Variants in GAB2 observed in about 807,000 individuals in gnomAD.
GAB2 encodes the protein GRB2 associated binding protein 2.
A neutral mutation model predicts 65.5 loss-of-function variants in GAB2; 26 were observed. The ratio of observed to expected loss-of-function variants is 0.40; its 90% CI spans 0.29 to 0.55. The LOEUF (loss-of-function observed/expected upper bound fraction) is 0.55, where lower values mean the gene tolerates loss of function less well. GAB2 is among the 20% of genes least tolerant of loss of function. The pLI is 0.53. For missense variants in GAB2, 884 were observed against 875.8 expected, an observed-to-expected ratio of 1.01 and a Z score of -0.12; for synonymous variants, 321 against 329.6, an observed-to-expected ratio of 0.97 and a Z score of 0.28.
At chr11:78,229,057 A>G (rs145673611) in intron 3 of GAB2, among the ~76,000 whole-genome samples, 2 of 152,324 alleles carry the variant, frequency 1.3e-5, no homozygotes, top group African/African-American at 4.8e-5. Context: ...ATGTCACAGT[A>G]GGGCAGGAGA....
At chr11:78,364,919 A>G (rs1279136524) in intron 1 of GAB2, among the ~76,000 whole-genome samples, 1 of 152,174 alleles carries the variant, frequency 6.6e-6, no homozygotes. Context: ...ATATACGTCT[A>G]TATAGTATTT....
intron 3 of GAB2, among the ~76,000 whole-genome samples, chr11:78,241,493 A>G (rs1228355073): frequency 6.6e-6 from 1 of 152,216 alleles, no homozygotes. Context: ...AATTACAGAA[A>G]GGGAATTCAA....
In GAB2 at chr11:78,222,154, C is replaced by T. The variant is rs780638233; in HGVS notation, c.1609G>A (p.Asp537Asn). The T allele has an allele frequency of 3.1e-6, 5 of 1,613,936 alleles. No individual in the cohort carries two copies. The highest frequency in any genetic ancestry group is 2.7e-5 in the African/African-American group (2 of 74,916). ...ATAGGTGACTTGAAGGGGAGTTCATCGATGACGGTGTTGTTCCTCAGGTCA... is the reference window on the plus strand; with the variant it reads ...ATAGGTGACTTGAAGGGGAGTTCATTGATGACGGTGTTGTTCCTCAGGTCA... ...PLDLRNNTVI[D>N]ELPFKSPITK... Residue 537 changes from aspartate (D) to asparagine (N), a missense_variant, in exon 7 of 10, where the codon GAT becomes AAT. By Grantham distance (23) the Asp-to-Asn change is conservative. Transcript: ENST00000361507.
At chr11:78,232,282 A>C (rs1463890328) in intron 3 of GAB2, among the ~76,000 whole-genome samples, 1 of 152,188 alleles carries the variant, frequency 6.6e-6, no homozygotes, top group African/African-American at 2.4e-5. Context: ...AATCTCACCA[A>C]TGAAATTTCA....
At chr11:78,391,253 C>T (rs916573846) in intron 1 of GAB2, among the ~76,000 whole-genome samples, 6 of 152,030 alleles carry the variant, frequency 3.9e-5, no homozygotes, top group Non-Finnish European at 7.4e-5. Context: ...CGAGATCATA[C>T]CACTGCACAA....
chr11:78,346,722 AT>A (rs1377368541), intron 1 of GAB2, among the ~76,000 whole-genome samples: 22 of 30,784 alleles, frequency 7.1e-4, no homozygotes, highest in East Asian at 6.6e-3. Flanking sequence ...TATATATATA[AT>A]TTTTTTTTTT....
intron 1 of GAB2, among the ~76,000 whole-genome samples, chr11:78,289,724 A>C (rs1866598539): frequency 6.6e-6 from 1 of 151,848 alleles, no homozygotes; most frequent in Non-Finnish European, 1.5e-5. Flanking sequence ...CATGAGAGAA[A>C]GCAAACATGC....
chr11:78,309,971 T>TGTGTGTGTGTGTGCACGC (rs1421836447), intron 1 of GAB2, among the ~76,000 whole-genome samples: 233 of 120,140 alleles, frequency 1.9e-3, no homozygotes, highest in African/African-American at 7.9e-3. Context: ...TGTGTGTGTG[T>TGTGTGTGTGTGTGCACGC]GCGCGCGCGC....
At chr11:78,397,726 T>C (rs1179109820) in intron 1 of GAB2, among the ~76,000 whole-genome samples, 1 of 152,184 alleles carries the variant, frequency 6.6e-6, no homozygotes, top group East Asian at 1.9e-4. Context: ...TGGCAGTACA[T>C]TCTACATTCA....
intron 1 of GAB2, among the ~76,000 whole-genome samples, chr11:78,301,822 T>A (rs1253433148): frequency 6.6e-6 from 1 of 152,190 alleles, no homozygotes; most frequent in Non-Finnish European, 1.5e-5. Context: ...TTAAACAGCA[T>A]GGTACTGGTA....
intron 2 of GAB2, among the ~76,000 whole-genome samples, chr11:78,270,827 T>C (rs1263358714): frequency 6.6e-6 from 1 of 152,252 alleles, no homozygotes; most frequent in Non-Finnish European, 1.5e-5. Flanking sequence ...CTCCAAGCTT[T>C]ACCTGTGCAA....
At chr11:78,381,011 C>T (rs951643656) in intron 1 of GAB2, among the ~76,000 whole-genome samples, 1 of 152,206 alleles carries the variant, frequency 6.6e-6, no homozygotes, top group South Asian at 2.1e-4. Flanking sequence ...ACTCTGACCC[C>T]ATTCATTTGG....
chr11:78,397,805 C>T (rs538841982), intron 1 of GAB2, among the ~76,000 whole-genome samples: 1 of 152,104 alleles, frequency 6.6e-6, no homozygotes, highest in African/African-American at 2.4e-5. Context: ...CTTATGTACA[C>T]TGTAGATACT....
intron 1 of GAB2, among the ~76,000 whole-genome samples, chr11:78,285,800 C>T (rs114766839): frequency 0.013 from 1,958 of 152,276 alleles, 47 homozygotes; most frequent in African/African-American, 0.045. Flanking sequence ...CAATTCAGAA[C>T]CAAGTACAAA....
At chr11:78,336,404 T>C (rs568148462) in intron 1 of GAB2, among the ~76,000 whole-genome samples, 9 of 131,702 alleles carry the variant, frequency 6.8e-5, no homozygotes, top group African/African-American at 2.0e-4. Context: ...TGTTGACATA[T>C]AGAAATGCTA....
intron 3 of GAB2, among the ~76,000 whole-genome samples, chr11:78,235,493 C>T (rs552858906): frequency 2.0e-5 from 3 of 152,216 alleles, no homozygotes; most frequent in Admixed American, 1.3e-4. Context: ...GCAAATTTTC[C>T]GAACATTTAT....
intron 1 of GAB2, among the ~76,000 whole-genome samples, chr11:78,307,639 T>TGAGAGAGAGAGAGAGAGAGAGA (rs1215194255): frequency 9.4e-6 from 1 of 106,512 alleles, no homozygotes; most frequent in African/African-American, 4.6e-5. Flanking sequence ...AGAGAGATGT[T>TGAGAGAGAGAGAGAGAGAGAGA]GAGTCAAAAG....
Position 78,226,620 on chromosome 11 carries a change from G to GGGGGGGGGGGGGGCC in GAB2, c.1051_1052insGGCCCCCCCCCCCCC (p.Ala350_Pro351insArgProProProPro). 6.7e-7 allele frequency: 1 copy of GGGGGGGGGGGGGGCC among 1,500,546 alleles called. No homozygotes were observed. The highest frequency in any genetic ancestry group is 1.1e-5 in the South Asian group (1 of 88,864). The allele number at this position is 1,500,546 out of a possible 1,614,324, so 93.0% of individuals were successfully genotyped here. On this transcript the variant is annotated inframe_insertion, in exon 4 of 10. Coordinates refer to ENST00000361507, the MANE Select transcript of GAB2 (RefSeq NM_080491.3). ...ACTTGGCTTGGGGGGGCGGGGTGGG[G>GGGGGGGGGGGGGGCC]GAGCTATGGCTGAGTCCCCAGGAGT...
chr11:78,218,203 G>A lies in GAB2; in HGVS notation c.*1069C>T, dbSNP rs1034812928. ...AAGAAACTCACTTCCCGACCCCACTGCAGAGTCCCCTGCACTGCCCTGTGC... is the reference window on the plus strand; with the variant it reads ...AAGAAACTCACTTCCCGACCCCACTACAGAGTCCCCTGCACTGCCCTGTGC... On this transcript the variant is annotated 3_prime_UTR_variant, in exon 10 of 10. Transcript: ENST00000361507. The A allele has an allele frequency of 1.8e-4, 27 of 153,884 alleles. No individual in the cohort carries two copies. Among genetic ancestry groups the A allele is most frequent in the Non-Finnish European group, 5.8e-5 (4 of 69,204 alleles). The allele number at this position is 153,884 out of a possible 1,614,324, so 9.5% of individuals were successfully genotyped here.
Sources: gnomAD v4.1 joint callset for allele counts (sites outside exome capture counted in the v4.1 genomes callset) on GRCh38, gnomAD v4.1.1 for gene constraint, MANE v1.5 for transcripts, NCBI Gene and HGNC (gene_info 2026-07-23, HGNC 2026-07-21) for gene names.